Variants in MGAT4A observed in about 807,000 individuals in gnomAD.
MGAT4A encodes the protein N-acetylglucosaminyltransferase IVa.
MGAT4A carries 33 observed loss-of-function variants against 74.1 expected under a neutral mutation model. The observed-to-expected ratio is 0.45, with a 90% CI of 0.34 to 0.60. The LOEUF is 0.60. Ranked by LOEUF, MGAT4A falls within the 20% of genes least tolerant of loss-of-function variation. The pLI is 0.02. For missense variants in MGAT4A, 479 were observed against 628.3 expected, an observed-to-expected ratio of 0.76 and a Z score of 2.54; for synonymous variants, 198 against 210.4, an observed-to-expected ratio of 0.94 and a Z score of 0.51.
intron 15 of MGAT4A, 41 bp downstream of exon 15, chr2:98,625,682 T>C: frequency 6.4e-7 from 1 of 1,569,902 alleles, no homozygotes; most frequent in African/African-American, 1.4e-5. Context: ...ATAATAAAAA[T>C]GTAGTTTCTA....
rs188476236 is a variant in MGAT4A, at chr2:98,660,931, C to T, written c.537+2115G>A. 1.2e-3 allele frequency among the ~76,000 whole-genome samples: 189 copies of T among 152,284 alleles called. 1 individual carries two copies. The highest frequency in any genetic ancestry group is 4.2e-3 in the African/African-American group (176 of 41,586). On this transcript the variant is annotated intron_variant, in intron 5 of 15. Transcript: ENST00000393487. ...AATAGACAAATAGGATCACATCTAA[C>T]TAAAACTCTTCTACATGGCAAAGGA...
At chr2:98,655,311 C>G in intron 8 of MGAT4A, 134 bp downstream of exon 8, 1 of 622,036 alleles carries the variant, frequency 1.6e-6, no homozygotes, top group Non-Finnish European at 2.7e-6. Context: ...GGAGACCCCT[C>G]TGCTCTGAGA....
intron 2 of MGAT4A, among the ~76,000 whole-genome samples, chr2:98,697,826 A>T (rs775841899): frequency 2.0e-5 from 3 of 152,186 alleles, no homozygotes; most frequent in Non-Finnish European, 4.4e-5. Flanking sequence ...CCTTACTAAG[A>T]GGATGTGTAA....
intron 1 of MGAT4A, among the ~76,000 whole-genome samples, chr2:98,730,408 G>T (rs771495501): frequency 9.9e-5 from 15 of 152,144 alleles, no homozygotes; most frequent in Non-Finnish European, 2.1e-4. Context: ...AGAGAGCTGA[G>T]GCCTGGGGAA....
At chr2:98,716,670 G>C (rs372116747) in intron 2 of MGAT4A, among the ~76,000 whole-genome samples, 1 of 152,160 alleles carries the variant, frequency 6.6e-6, no homozygotes, top group East Asian at 1.9e-4. Flanking sequence ...TGGTATTCTT[G>C]CCAAAAATGC....
At chr2:98,680,871 T>C (rs1380937684) in intron 2 of MGAT4A, among the ~76,000 whole-genome samples, 2 of 152,266 alleles carry the variant, frequency 1.3e-5, no homozygotes, top group Admixed American at 6.5e-5. Context: ...CTGAAGTCTA[T>C]AATAGAATCA....
chr2:98,637,717 G>A (rs1701343261), intron 12 of MGAT4A, among the ~76,000 whole-genome samples: 1 of 152,182 alleles, frequency 6.6e-6, no homozygotes, highest in African/African-American at 2.4e-5. Flanking sequence ...GGGTCTCTCA[G>A]TTACTAGAAT....
intron 10 of MGAT4A, among the ~76,000 whole-genome samples, chr2:98,643,154 A>G (rs1701437097): frequency 6.6e-6 from 1 of 152,236 alleles, no homozygotes; most frequent in Non-Finnish European, 1.5e-5. Flanking sequence ...TTCAAATTGG[A>G]CAAGGAAAAC....
intron 2 of MGAT4A, among the ~76,000 whole-genome samples, chr2:98,686,090 G>A (rs929323225): frequency 6.6e-6 from 1 of 152,092 alleles, no homozygotes; most frequent in South Asian, 2.1e-4. Flanking sequence ...AGTATCCAGT[G>A]AACACCAGTT....
At position 98,636,605 on chromosome 2, in the gene MGAT4A, C is replaced by A; in HGVS notation, c.1323-10G>T. ...GCTATGGAACAAATAACTGAAAATA[C>A]AAACATCAAAATAAAAACACAAGTC... On this transcript the variant is annotated splice_polypyrimidine_tract_variant and intron_variant, in intron 12 of 15. Transcript: ENST00000393487. 1 of 1,606,724 alleles carries A rather than the reference C, an allele frequency of 6.2e-7. No homozygotes were observed. The highest frequency in any genetic ancestry group is 8.5e-7 in the Non-Finnish European group (1 of 1,173,520).
intron 4 of MGAT4A, among the ~76,000 whole-genome samples, chr2:98,665,773 C>T (rs906084780): frequency 6.6e-5 from 10 of 152,300 alleles, no homozygotes; most frequent in Admixed American, 2.0e-4. Context: ...CGTGTGGTCA[C>T]GGAAGGCCTC....
At chr2:98,641,401 A>C (rs1053482354) in intron 10 of MGAT4A, among the ~76,000 whole-genome samples, 6 of 151,186 alleles carry the variant, frequency 4.0e-5, no homozygotes, top group Admixed American at 1.3e-4. Flanking sequence ...CACGCCTGTA[A>C]TCCCAGCACT....
At chr2:98,685,401 T>A (rs1173547287) in intron 2 of MGAT4A, among the ~76,000 whole-genome samples, 2 of 152,180 alleles carry the variant, frequency 1.3e-5, no homozygotes, top group African/African-American at 4.8e-5. Flanking sequence ...CCACTGCCTT[T>A]GAAAAATGTT....
intron 2 of MGAT4A, among the ~76,000 whole-genome samples, chr2:98,699,247 A>AC (rs1702317100): frequency 6.6e-6 from 1 of 152,206 alleles, no homozygotes; most frequent in African/African-American, 2.4e-5. Context: ...TCACATAGGC[A>AC]CCCGCTGCCT....
chr2:98,648,524 C>A (rs1355942173), intron 8 of MGAT4A, among the ~76,000 whole-genome samples: 4 of 150,586 alleles, frequency 2.7e-5, no homozygotes, highest in South Asian at 4.2e-4. Context: ...ACAGCCTGGG[C>A]AACAAAGTGA....
chr2:98,710,991 GT>G (rs201238461), intron 2 of MGAT4A, among the ~76,000 whole-genome samples: 1 of 144,782 alleles, frequency 6.9e-6, no homozygotes, highest in African/African-American at 2.5e-5. Flanking sequence ...AAGAAGTTGG[GT>G]TAAAAAAAAA....
intron 5 of MGAT4A, among the ~76,000 whole-genome samples, chr2:98,661,585 T>C (rs1559162317): frequency 6.6e-6 from 1 of 152,360 alleles, no homozygotes; most frequent in East Asian, 1.9e-4. Context: ...CATTTAAGCC[T>C]AAATTTGATA....
intron 2 of MGAT4A, among the ~76,000 whole-genome samples, chr2:98,701,481 C>T (rs1441517917): frequency 6.6e-6 from 1 of 152,178 alleles, no homozygotes; most frequent in Non-Finnish European, 1.5e-5. Flanking sequence ...TCTCATATGT[C>T]GGCCATGAAT....
chr2:98,718,327 G>C (rs1045708469), intron 2 of MGAT4A, among the ~76,000 whole-genome samples: 1 of 152,196 alleles, frequency 6.6e-6, no homozygotes, highest in Non-Finnish European at 1.5e-5. Context: ...TATTTTTGGA[G>C]CTCCACTTCC....
Sources: allele counts gnomAD v4.1 joint callset (sites outside exome capture counted in the v4.1 genomes callset), GRCh38; gene constraint gnomAD v4.1.1; transcripts MANE v1.5; gene names NCBI Gene and HGNC (gene_info 2026-07-23, HGNC 2026-07-21).